The following LARGE1 variants were observed in gnomAD, a reference collection of about 807,000 sequenced individuals.
LARGE1 encodes the protein LARGE xylosyl- and glucuronyltransferase 1.
In LARGE1, 43 loss-of-function variants were observed where a neutral mutation model predicts 87.6. The ratio of observed to expected loss-of-function variants is 0.49; its 90% CI spans 0.38 to 0.63. The LOEUF (loss-of-function observed/expected upper bound fraction) is 0.63. LARGE1 is among the 30% of genes least tolerant of loss of function. The pLI is 0.00. For synonymous variants in LARGE1, 434 were observed against 394.6 expected, an observed-to-expected ratio of 1.10 and a Z score of -1.18; for missense variants, 802 against 1,000.2, an observed-to-expected ratio of 0.80 and a Z score of 2.67.
chr22:33,072,623 T>C, the LARGE1 span, among the ~76,000 whole-genome samples: 1 of 152,222 alleles, frequency 6.6e-6, no homozygotes, highest in South Asian at 2.1e-4. Flanking sequence ...TACCAGAATG[T>C]ATATTTCTAA....
intron 6 of LARGE1, among the ~76,000 whole-genome samples, chr22:33,553,433 T>C (rs1414747927): frequency 6.6e-6 from 1 of 150,432 alleles, no homozygotes; most frequent in Non-Finnish European, 1.5e-5. Flanking sequence ...GGAGAATCCC[T>C]TGAGTCCAGG....
At chr22:33,879,727 C>T (rs1208695307) in intron 1 of LARGE1, among the ~76,000 whole-genome samples, 2 of 152,178 alleles carry the variant, frequency 1.3e-5, no homozygotes, top group African/African-American at 4.8e-5. Flanking sequence ...CACCATCTAT[C>T]CTGTACTCGC....
At chr22:33,223,396 T>C (rs1188473413) in intron 11 of LARGE1, among the ~76,000 whole-genome samples, 1 of 152,210 alleles carries the variant, frequency 6.6e-6, no homozygotes, top group Admixed American at 6.5e-5. Context: ...GCACCTTTTC[T>C]TCAAGATACT....
chr22:33,792,020 C>T lies in LARGE1; in HGVS notation c.-82-30462G>A, dbSNP rs570712218. On this transcript the variant is annotated intron_variant, in intron 1 of 14. Coordinates refer to ENST00000397394, the MANE Select transcript of LARGE1 (RefSeq NM_133642.5). The stretch of plus-strand genomic sequence containing the variant: ...CCCTTTTCTATGTGAGAAATAGATG[C>T]CCAGAGAGCCTAAATGCAGAGCCTC... Among the ~76,000 whole-genome samples, 25 of 152,266 alleles carry T rather than the reference C, an allele frequency of 1.6e-4. No individual in the cohort carries two copies. The South Asian group carries it at 2.9e-3, about 18-fold the overall frequency.
intron 1 of LARGE1, among the ~76,000 whole-genome samples, chr22:33,915,042 C>CACACAGAGAGAGAG (rs144076486): frequency 3.6e-5 from 5 of 137,030 alleles, no homozygotes; most frequent in African/African-American, 8.3e-5. Flanking sequence ...CACACACACA[C>CACACAGAGAGAGAG]AGAGAGAGAG....
intron 7 of LARGE1, among the ~76,000 whole-genome samples, chr22:33,398,555 A>C (rs1357880846): frequency 6.6e-6 from 1 of 152,144 alleles, no homozygotes; most frequent in Non-Finnish European, 1.5e-5. Context: ...GTTCCTTTTA[A>C]CCACAGAGTG....
chr22:33,542,137 G>A lies in LARGE1; in HGVS notation c.787+22711C>T, dbSNP rs142204475. Among the ~76,000 whole-genome samples, 603 of 125,032 alleles carry A rather than the reference G, an allele frequency of 4.8e-3. 3 individuals are homozygous for A. Among genetic ancestry groups the A allele is most frequent in the African/African-American group, 0.017 (577 of 33,034 alleles). 82.0% of individuals were successfully genotyped at this position (125,032 alleles called of 152,430 possible). On this transcript the variant is annotated intron_variant, in intron 6 of 14. Transcript: ENST00000397394. ...AGATCGCACCACTGCACTCCAGCCTGAGCAACAAGAGCAAAACTCTGTCTC... is the reference window on the plus strand; with the variant it reads ...AGATCGCACCACTGCACTCCAGCCTAAGCAACAAGAGCAAAACTCTGTCTC...
At chr22:33,646,491 A>C (rs1007536886) in intron 3 of LARGE1, among the ~76,000 whole-genome samples, 2 of 142,662 alleles carry the variant, frequency 1.4e-5, no homozygotes, top group Admixed American at 7.2e-5. Context: ...TATGTGGGGC[A>C]TAAAACCTAG....
At chr22:33,071,137 G>T in the LARGE1 span, among the ~76,000 whole-genome samples, 1 of 152,218 alleles carries the variant, frequency 6.6e-6, no homozygotes, top group Non-Finnish European at 1.5e-5. Flanking sequence ...GACAAATCCT[G>T]CATTAAAGAA....
chr22:33,194,118 T>C (rs1250385077), intron 11 of LARGE1, among the ~76,000 whole-genome samples: 1 of 152,008 alleles, frequency 6.6e-6, no homozygotes, highest in African/African-American at 2.4e-5. Flanking sequence ...TTCACAGTTA[T>C]TTACATAAAG....
At chr22:33,506,027 G>T (rs1014035148) in intron 6 of LARGE1, among the ~76,000 whole-genome samples, 2 of 152,080 alleles carry the variant, frequency 1.3e-5, no homozygotes, top group Admixed American at 6.5e-5. Context: ...CATTCCCCAG[G>T]CTTTACAACT....
chr22:33,261,862 T>G (rs1422041219), intron 11 of LARGE1, among the ~76,000 whole-genome samples: 1 of 152,258 alleles, frequency 6.6e-6, no homozygotes, highest in Admixed American at 6.5e-5. Context: ...CAGTGCTGCC[T>G]GTGATGTTTG....
intron 11 of LARGE1, among the ~76,000 whole-genome samples, chr22:33,238,050 T>C (rs1244464907): frequency 6.6e-6 from 1 of 152,190 alleles, no homozygotes; most frequent in Non-Finnish European, 1.5e-5. Flanking sequence ...GAAAAAGGTT[T>C]CAAATGCAGT....
intron 12 of LARGE1, among the ~76,000 whole-genome samples, chr22:33,298,255 T>A (rs1933627088): frequency 6.6e-6 from 1 of 152,164 alleles, no homozygotes; most frequent in South Asian, 2.1e-4. Context: ...ACAGCTGCAA[T>A]GACCACCAGG....
At chr22:33,250,096 A>C (rs946941563) in intron 11 of LARGE1, among the ~76,000 whole-genome samples, 5 of 152,192 alleles carry the variant, frequency 3.3e-5, no homozygotes, top group African/African-American at 4.8e-5. Context: ...TTGAATTTGA[A>C]CTGCATTGAA....
chr22:33,241,545 T>C (rs940212332), intron 11 of LARGE1, among the ~76,000 whole-genome samples: 5 of 151,770 alleles, frequency 3.3e-5, no homozygotes, highest in Non-Finnish European at 7.4e-5. Context: ...TATATGTGTA[T>C]ATATGTATAT....
At chr22:33,265,321 A>C (rs1167381345) in intron 11 of LARGE1, among the ~76,000 whole-genome samples, 1 of 152,000 alleles carries the variant, frequency 6.6e-6, no homozygotes, top group Non-Finnish European at 1.5e-5. Context: ...CCTCTGAATA[A>C]TTTTGCATCC....
chr22:33,778,742 C>T (rs1467238337), intron 1 of LARGE1, among the ~76,000 whole-genome samples: 1 of 152,152 alleles, frequency 6.6e-6, no homozygotes, highest in East Asian at 1.9e-4. Context: ...CCTCCGCCTC[C>T]TGAGTTCAAG....
chr22:33,779,544 C>A (rs910949411), intron 1 of LARGE1, among the ~76,000 whole-genome samples: 5 of 152,006 alleles, frequency 3.3e-5, no homozygotes, highest in African/African-American at 4.8e-5. Context: ...CACTGGGAGG[C>A]GGAGGTGGGT....
Sources: gnomAD v4.1 joint callset for allele counts (sites outside exome capture counted in the v4.1 genomes callset) on GRCh38, gnomAD v4.1.1 for gene constraint, MANE v1.5 for transcripts, NCBI Gene and HGNC (gene_info 2026-07-23, HGNC 2026-07-21) for gene names.